The following VPS13B variants were observed in gnomAD, a reference collection of about 807,000 sequenced individuals.
VPS13B encodes vacuolar protein sorting 13 homolog B.
In VPS13B, 285 loss-of-function variants were observed where a neutral mutation model predicts 426.4. That is an observed-to-expected ratio of 0.67 (90% CI 0.61 to 0.74). VPS13B has a LOEUF of 0.74. Ranked by LOEUF, VPS13B falls within the 30% of genes least tolerant of loss-of-function variation. VPS13B has a pLI of 0.00. For synonymous variants in VPS13B, 1,676 were observed against 1,676.4 expected (o/e 1.00, Z 0.01); for missense variants, 4,537 against 4,782.6 (o/e 0.95, Z 1.51).
intron 22 of VPS13B, among the ~76,000 whole-genome samples, chr8:99,440,821 A>C (rs1410757447): frequency 6.6e-6 from 1 of 152,032 alleles, no homozygotes; most frequent in Non-Finnish European, 1.5e-5. Flanking sequence ...TAAACTAATT[A>C]CCTCACAATA....
chr8:99,456,449 G>A (rs917657896), intron 23 of VPS13B, among the ~76,000 whole-genome samples: 1 of 152,106 alleles, frequency 6.6e-6, no homozygotes, highest in South Asian at 2.1e-4. Flanking sequence ...GATTACAGGT[G>A]TGAGCCACCG....
intron 54 of VPS13B, among the ~76,000 whole-genome samples, chr8:99,836,109 T>C (rs1159840394): frequency 3.3e-5 from 5 of 152,188 alleles, no homozygotes; most frequent in Non-Finnish European, 2.9e-5. Flanking sequence ...AGGATAAATA[T>C]GTGTATTTTA....
intron 42 of VPS13B, among the ~76,000 whole-genome samples, chr8:99,781,416 A>G (rs1007007326): frequency 6.6e-6 from 1 of 152,174 alleles, no homozygotes; most frequent in Non-Finnish European, 1.5e-5. Context: ...ATGAAACTTA[A>G]ATGTGGATAA....
chr8:99,190,925 A>C (rs1563593140), intron 16 of VPS13B, among the ~76,000 whole-genome samples: 1 of 152,098 alleles, frequency 6.6e-6, no homozygotes, highest in East Asian at 1.9e-4. Context: ...ATCTGGTATC[A>C]CATTCATTTA....
At chr8:99,339,843 G>A (rs779216034) in intron 19 of VPS13B, among the ~76,000 whole-genome samples, 4 of 151,848 alleles carry the variant, frequency 2.6e-5, no homozygotes, top group African/African-American at 7.3e-5. Context: ...ACTACTTTGC[G>A]GTTTCCAAAT....
intron 33 of VPS13B, among the ~76,000 whole-genome samples, chr8:99,606,808 A>G (rs1392281906): frequency 6.6e-6 from 1 of 151,864 alleles, no homozygotes; most frequent in Non-Finnish European, 1.5e-5. Context: ...TGTATTTTCT[A>G]GAGGCTTCCT....
rs143062337 is a variant in VPS13B, at chr8:99,600,572, G to A, written c.5220+22939G>A. The stretch of plus-strand genomic sequence containing the variant: ...ATTCACATTTGGAATAGTGGCAGGT[G>A]GACTAGGCAGGGAGACCCAGCATGG... On this transcript the variant is annotated intron_variant, in intron 33 of 61. Coordinates refer to ENST00000357162, the MANE Select transcript of VPS13B (RefSeq NM_152564.5). Among the ~76,000 whole-genome samples, 450 of 152,246 alleles carry A rather than the reference G, an allele frequency of 3.0e-3. 1 individual carries two copies. The highest frequency in any genetic ancestry group is 6.6e-3 in the South Asian group (32 of 4,826).
At chr8:99,467,319 C>G (rs1235011723) in intron 23 of VPS13B, 95 bp from the exon 24 acceptor site, 1 of 1,270,542 alleles carries the variant, frequency 7.9e-7, no homozygotes, top group Non-Finnish European at 1.1e-6. Flanking sequence ...CAGTATTAGT[C>G]ATAAATGTTA....
chr8:99,551,252 A>G (rs1824266278), intron 30 of VPS13B, among the ~76,000 whole-genome samples: 1 of 136,632 alleles, frequency 7.3e-6, no homozygotes, highest in Non-Finnish European at 1.6e-5. Context: ...TTCAGGCAGT[A>G]ACTATTTTTA....
intron 33 of VPS13B, among the ~76,000 whole-genome samples, chr8:99,604,657 G>T (rs570321144): frequency 1.3e-5 from 2 of 151,728 alleles, no homozygotes; most frequent in Non-Finnish European, 2.9e-5. Flanking sequence ...CTGCCACTGC[G>T]CCCGGCTAAT....
chr8:99,114,398 G>T (rs192954873), intron 6 of VPS13B, among the ~76,000 whole-genome samples: 2 of 152,044 alleles, frequency 1.3e-5, no homozygotes, highest in African/African-American at 4.8e-5. Context: ...ATCAGTTCAG[G>T]TTCTTTATCC....
chr8:99,720,633 A>AT, intron 38 of VPS13B, 81 bp downstream of exon 38: 1 of 1,455,650 alleles, frequency 6.9e-7, no homozygotes, highest in Non-Finnish European at 9.6e-7. Context: ...AATAAAAACA[A>AT]TCAAGATGGC....
At chr8:99,472,535 G>A (rs1004355967) in intron 24 of VPS13B, among the ~76,000 whole-genome samples, 5 of 151,672 alleles carry the variant, frequency 3.3e-5, no homozygotes, top group African/African-American at 1.2e-4. Flanking sequence ...ATAAGCTAAG[G>A]CAATGTTTAG....
At chr8:99,507,291 A>G in intron 28 of VPS13B, 88 bp downstream of exon 28, 2 of 1,359,160 alleles carry the variant, frequency 1.5e-6, no homozygotes, top group South Asian at 1.2e-5. Context: ...AATGGTTACA[A>G]GAATTTGAGT....
At chr8:99,741,892 C>A (rs913350083) in intron 39 of VPS13B, among the ~76,000 whole-genome samples, 1 of 152,006 alleles carries the variant, frequency 6.6e-6, no homozygotes, top group African/African-American at 2.4e-5. Context: ...AAAATTGACA[C>A]CCTAACATCA....
chr8:99,142,939 T>G (rs768972272), intron 12 of VPS13B, 35 bp from the exon 13 acceptor site: 3 of 1,583,894 alleles, frequency 1.9e-6, no homozygotes, highest in Non-Finnish European at 2.6e-6. Flanking sequence ...GTATATCCAA[T>G]TGATGCTTAA....
At chr8:99,223,880 G>T (rs560555676) in intron 17 of VPS13B, among the ~76,000 whole-genome samples, 2 of 152,218 alleles carry the variant, frequency 1.3e-5, no homozygotes, top group Middle Eastern at 3.4e-3. Context: ...AGTATAGTAA[G>T]TTTTTTTCAC....
At chr8:99,136,896 T>C in intron 12 of VPS13B, 144 bp downstream of exon 12, 3 of 797,088 alleles carry the variant, frequency 3.8e-6, no homozygotes, top group Non-Finnish European at 6.4e-6. Context: ...AATTTTAACA[T>C]CATGTTAGAA....
chr8:99,192,540 T>G (rs2132727038), intron 16 of VPS13B, among the ~76,000 whole-genome samples: 1 of 152,300 alleles, frequency 6.6e-6, no homozygotes, highest in South Asian at 2.1e-4. Context: ...ACAATGCAGG[T>G]TTGCTAGTAA....
Sources: gnomAD v4.1 joint callset for allele counts (sites outside exome capture counted in the v4.1 genomes callset) on GRCh38, gnomAD v4.1.1 for gene constraint, MANE v1.5 for transcripts, NCBI Gene and HGNC (gene_info 2026-07-23, HGNC 2026-07-21) for gene names.